The following WDR6 variants were observed in gnomAD, a reference collection of about 807,000 sequenced individuals.
The protein encoded by WDR6 is tRNA (34-2'-O)-methyltransferase regulator WDR6.
WDR6 carries 58 observed loss-of-function variants against 85.6 expected under a neutral mutation model. The observed-to-expected ratio is 0.68, with a 90% CI of 0.55 to 0.84. The LOEUF (loss-of-function observed/expected upper bound fraction) is 0.84. WDR6 is among the 40% of genes least tolerant of loss of function. WDR6 has a pLI of 0.00. For missense variants in WDR6, 1,310 were observed against 1,476.4 expected (o/e 0.89, Z 1.85); for synonymous variants, 569 against 582.2 (o/e 0.98, Z 0.33).
Position 49,012,534 on chromosome 3 carries a change from G to A in WDR6, c.1000G>A (p.Gly334Arg), listed in dbSNP as rs1002508316. 1.2e-6 allele frequency: 2 copies of A among 1,614,078 alleles called. No homozygotes were observed. Among genetic ancestry groups the A allele is most frequent in the East Asian group, 2.2e-5 (1 of 44,864 alleles). The change falls in exon 2 of 6, where the codon GGA becomes AGA. Residue 334 changes from glycine (G) to arginine (R), a missense_variant. Transcript: ENST00000608424. The surrounding 1 kb of genome is among the most constrained non-coding windows in gnomAD (Gnocchi z 4.4). ...GCACTTGGTAGGGCGTGGGTACCGG[G>A]GATTGGGGGTCTCGGCTCTCTGCTT... ...LWHLVGRGYRGLGVSALCFKS... is the reference protein window; with the variant it reads ...LWHLVGRGYRRLGVSALCFKS...
At position 49,012,142 on chromosome 3, in the gene WDR6, G is replaced by T; in HGVS notation, c.608G>T (p.Arg203Leu). Residue 203 changes from arginine (R) to leucine (L), a missense_variant, in exon 2 of 6, where the codon CGA becomes CTA. Transcript: ENST00000608424. This position sits in a 1 kb window ranked among gnomAD's most constrained non-coding sequence, Gnocchi z 4.4. ...GACAACAAACCTGTAGCACCTGACC[G>T]ACGAATCAGTGGGCATGTGGGCATC... is the stretch of plus-strand genomic sequence containing the variant. ...LADNKPVAPDRRISGHVGIIF... is the reference protein window; with the variant it reads ...LADNKPVAPDLRISGHVGIIF... 2 of 1,614,134 alleles carry T rather than the reference G, an allele frequency of 1.2e-6. No individual in the cohort carries two copies. Among genetic ancestry groups the T allele is most frequent in the Non-Finnish European group, 1.7e-6 (2 of 1,180,034 alleles).
Position 49,014,544 on chromosome 3 carries a change from G to C in WDR6, c.2783+45G>C. The C allele has an allele frequency of 6.2e-7, 1 of 1,613,656 alleles. No homozygotes were observed. The highest frequency in any genetic ancestry group is 8.5e-7 in the Non-Finnish European group (1 of 1,179,864). ...GGTCCTGCATGGGCTGGGTTGGGGGGTTCCTGTTGAGCTTCATCTCTGTTA... is the reference window on the plus strand; with the variant it reads ...GGTCCTGCATGGGCTGGGTTGGGGGCTTCCTGTTGAGCTTCATCTCTGTTA... On this transcript the variant is annotated intron_variant, in intron 4 of 5. Coordinates refer to ENST00000608424, the MANE Select transcript of WDR6 (RefSeq NM_018031.6). The surrounding 1 kb of genome is among the most constrained non-coding windows in gnomAD (Gnocchi z 4.9).
intron 1 of WDR6, 66 bp from the exon 2 acceptor site, chr3:49,011,569 A>G (rs1256958910): frequency 5.6e-6 from 9 of 1,611,544 alleles, no homozygotes; most frequent in African/African-American, 1.3e-5. Context: ...CCTGATCCCC[A>G]TCTCTTCCCT....
rs1275353912 is a variant in WDR6, at chr3:49,014,386, C to T, written c.2670C>T (p.Leu890=). The change falls in exon 4 of 6, where the codon CTC becomes CTT. Residue 890 remains leucine, a synonymous_variant. Transcript: ENST00000608424. This position sits in a 1 kb window ranked among gnomAD's most constrained non-coding sequence, Gnocchi z 4.9. ...AAACSDGAVR[L]FLLQDSGRIL... ...TGGGCCACCCCCCGCCCCCCAGGCT[C>T]TTTCTTTTGCAGGATTCTGGGCGGA... The T allele has an allele frequency of 6.2e-7, 1 of 1,614,014 alleles. No individual in the cohort carries two copies. Among genetic ancestry groups the T allele is most frequent in the Non-Finnish European group, 8.5e-7 (1 of 1,180,028 alleles).
Position 49,007,763 on chromosome 3 carries a change from AG to A in WDR6, c.100+233del, listed in dbSNP as rs960885874. 8.5e-7 allele frequency: 1 copy of A among 1,182,340 alleles called. No individual in the cohort carries two copies. The highest frequency in any genetic ancestry group is 1.6e-5 in the African/African-American group (1 of 63,782). The allele number at this position is 1,182,340 out of a possible 1,614,324, so 73.2% of individuals were successfully genotyped here. A position where few individuals can be genotyped will look rare whatever the true frequency, so the allele number is the denominator to read the frequency against. ...GCCGCCGCGGCGCTTCATAAACTTC[AG>A]CCCGCGTGGAAAGGGCGGGTGGAAC... is the stretch of plus-strand genomic sequence containing the variant. On this transcript the variant is annotated intron_variant, in intron 1 of 5. Coordinates refer to ENST00000608424, the MANE Select transcript of WDR6 (RefSeq NM_018031.6). The surrounding 1 kb of genome is among the most constrained non-coding windows in gnomAD (Gnocchi z 5.1).
intron 1 of WDR6, among the ~76,000 whole-genome samples, chr3:49,009,383 ATCCTTGAATCCTAAC>A (rs1244420645): frequency 7.5e-6 from 1 of 133,676 alleles, no homozygotes; most frequent in African/African-American, 2.8e-5. Context: ...ACTGCTGCTT[ATCCTTGAATCCTAAC>A]TCTAAATATT....
intron 1 of WDR6, chr3:49,011,278 CT>C (rs1277882112): frequency 9.2e-6 from 4 of 432,558 alleles, no homozygotes; most frequent in Non-Finnish European, 1.2e-5. Flanking sequence ...GGGTTTTCAC[CT>C]TGTTGGCCAG....
chr3:49,015,867 G>A lies in WDR6; in HGVS notation c.*579G>A, dbSNP rs760755516. 5 of 1,614,088 alleles carry A rather than the reference G, an allele frequency of 3.1e-6. No individual in the cohort carries two copies. The highest frequency in any genetic ancestry group is 3.4e-6 in the Non-Finnish European group (4 of 1,180,036). On this transcript the variant is annotated 3_prime_UTR_variant, in exon 6 of 6. Transcript: ENST00000608424. ...CCATGCTGAGCTGTACCAGGAACTT[G>A]CATATCTAGAGACAGAGACTGAGTC...
chr3:49,013,587 C>G lies in WDR6; in HGVS notation c.2053C>G (p.Leu685Val), dbSNP rs1488076021. Residue 685 changes from leucine (L) to valine (V), a missense_variant, in exon 2 of 6, where the codon CTG becomes GTG. Leu to Val is a conservative substitution (Grantham distance 32, BLOSUM62 1). Coordinates refer to ENST00000608424, the MANE Select transcript of WDR6 (RefSeq NM_018031.6). The surrounding 1 kb of genome is among the most constrained non-coding windows in gnomAD (Gnocchi z 4.6). ...KDGDVMLYRA[L>V]GGCTRPHVIL... ...TGGGGATGTCATGCTGTACAGGGCTCTGGGTGGCTGCACCCGGCCACACGT... is the reference window on the plus strand; with the variant it reads ...TGGGGATGTCATGCTGTACAGGGCTGTGGGTGGCTGCACCCGGCCACACGT... The G allele has an allele frequency of 6.2e-7, 1 of 1,614,120 alleles. No individual in the cohort carries two copies. Among genetic ancestry groups the G allele is most frequent in the Admixed American group, 1.7e-5 (1 of 60,032 alleles).
Position 49,013,076 on chromosome 3 carries a change from T to C in WDR6, c.1542T>C (p.Ser514=). Reference sequence around the variant, plus strand: ...TGGTGTGTGGTGACCGCCGGGGCTCTGTGCTGCTATTCCCCTCCAGACCAG... The same window carrying C: ...TGGTGTGTGGTGACCGCCGGGGCTCCGTGCTGCTATTCCCCTCCAGACCAG... The part of the protein sequence containing the change: ...DFLVCGDRRG[S]VLLFPSRPGL... The change falls in exon 2 of 6, where the codon TCT becomes TCC. Residue 514 remains serine (S), a synonymous_variant. Coordinates refer to ENST00000608424, the MANE Select transcript of WDR6 (RefSeq NM_018031.6). This position sits in a 1 kb window ranked among gnomAD's most constrained non-coding sequence, Gnocchi z 4.6. 2.5e-6 allele frequency: 4 copies of C among 1,611,104 alleles called. No homozygotes were observed. Among genetic ancestry groups the C allele is most frequent in the Non-Finnish European group, 2.5e-6 (3 of 1,178,116 alleles).
At position 49,015,627 on chromosome 3, in the gene WDR6, G is replaced by C. The variant is rs374525061; in HGVS notation, c.*339G>C. 1.3e-5 allele frequency: 21 copies of C among 1,614,020 alleles called. No individual in the cohort carries two copies. The highest frequency in any genetic ancestry group is 4.0e-5 in the African/African-American group (3 of 74,898). The stretch of plus-strand genomic sequence containing the variant: ...GTGGAGGGAGACCCAGCATAGCCAG[G>C]CCAGTATGGAGCACCTCACGCACAG... On this transcript the variant is annotated 3_prime_UTR_variant, in exon 6 of 6. Coordinates refer to ENST00000608424, the MANE Select transcript of WDR6 (RefSeq NM_018031.6).
chr3:49,013,776 G>A lies in WDR6; in HGVS notation c.2242G>A (p.Glu748Lys). Residue 748 changes from glutamate (E) to lysine (K), a missense_variant, in exon 2 of 6, where the codon GAG becomes AAG. By Grantham distance (56) the Glu-to-Lys change is moderately conservative (BLOSUM62 1). Coordinates refer to ENST00000608424, the MANE Select transcript of WDR6 (RefSeq NM_018031.6). This position sits in a 1 kb window ranked among gnomAD's most constrained non-coding sequence, Gnocchi z 4.6. ...DLTDIVITCS[E>K]DTTVCVLALP... Reference sequence around the variant, plus strand: ...GACTGACATTGTGATCACATGTAGTGAGGACACTACTGTCTGTGTCCTAGC... The same window carrying A: ...GACTGACATTGTGATCACATGTAGTAAGGACACTACTGTCTGTGTCCTAGC... 1.2e-6 allele frequency: 2 copies of A among 1,614,116 alleles called. No individual in the cohort carries two copies. Among genetic ancestry groups the A allele is most frequent in the Non-Finnish European group, 1.7e-6 (2 of 1,179,994 alleles).
rs999032203 is a variant in WDR6, at chr3:49,011,785, T to C, written c.251T>C (p.Val84Ala). Residue 84 changes from valine (V) to alanine (A), a missense_variant, in exon 2 of 6, where the codon GTG becomes GCG. By Grantham distance (64) the Val-to-Ala change is moderately conservative. Transcript: ENST00000608424. ...PNGDLDLEAM[V>A]AVFGSKGLRV... ...GGAGACCTTGACTTGGAGGCCATGG[T>C]GGCTGTGTTTGGAAGCAAGGGACTC... is the stretch of plus-strand genomic sequence containing the variant. The C allele has an allele frequency of 1.9e-6, 3 of 1,614,104 alleles. No homozygotes were observed. The highest frequency in any genetic ancestry group is 2.5e-6 in the Non-Finnish European group (3 of 1,180,054).
chr3:49,007,510 G>C lies in WDR6; in HGVS notation c.79G>C (p.Val27Leu). The C allele has an allele frequency of 6.3e-7, 1 of 1,598,710 alleles. No individual in the cohort carries two copies. The highest frequency in any genetic ancestry group is 8.6e-7 in the Non-Finnish European group (1 of 1,167,946). Residue 27 changes from valine (V) to leucine (L), a missense_variant, in exon 1 of 6, where the codon GTG becomes CTG. Transcript: ENST00000608424. The surrounding 1 kb of genome is among the most constrained non-coding windows in gnomAD (Gnocchi z 5.1). ...ILLPVTGLEC[V>L]GDRLLAGEGP... is the part of the protein sequence containing the mutation. ...CCTCCCAGTGACGGGTCTGGAGTGCGTGGGGGACCGGCTGTTGGCGGGTGA... is the reference window on the plus strand; with the variant it reads ...CCTCCCAGTGACGGGTCTGGAGTGCCTGGGGGACCGGCTGTTGGCGGGTGA...
Position 49,014,262 on chromosome 3 carries a change from G to C in WDR6, c.2635G>C (p.Val879Leu). Residue 879 changes from valine (V) to leucine (L), a missense_variant, in exon 3 of 6, where the codon GTG (valine) becomes CTG (leucine). Coordinates refer to ENST00000608424, the MANE Select transcript of WDR6 (RefSeq NM_018031.6). The surrounding 1 kb of genome is among the most constrained non-coding windows in gnomAD (Gnocchi z 4.9). ...TGACCAGCCCGGCCTTGGCCCCCTT[G>C]TGGCTGCAGCCTGTAGTGATGGGGC... is the stretch of plus-strand genomic sequence containing the variant. ...ELDQPGLGPL[V>L]AAACSDGAVR... is the part of the protein sequence containing the mutation. 1.2e-6 allele frequency: 2 copies of C among 1,614,154 alleles called. No individual in the cohort carries two copies. The highest frequency in any genetic ancestry group is 8.5e-7 in the Non-Finnish European group (1 of 1,180,028).
In WDR6 at chr3:49,013,985, G is replaced by A; in HGVS notation, c.2451G>A (p.Met817Ile). 6.2e-7 allele frequency: 1 copy of A among 1,611,716 alleles called. No homozygotes were observed. Among genetic ancestry groups the A allele is most frequent in the Non-Finnish European group, 8.5e-7 (1 of 1,179,974 alleles). The change falls in exon 2 of 6, where the codon ATG becomes ATA. Residue 817 changes from methionine to isoleucine, a missense_variant. Met to Ile is a conservative substitution (Grantham distance 10). Coordinates refer to ENST00000608424, the MANE Select transcript of WDR6 (RefSeq NM_018031.6). This position sits in a 1 kb window ranked among gnomAD's most constrained non-coding sequence, Gnocchi z 4.6. The part of the protein sequence containing the change: ...GRAEMHCFSI[M>I]VTPDPSTPSR... The stretch of plus-strand genomic sequence containing the variant: ...CTGAGATGCACTGCTTCAGCATCAT[G>A]GTTACTCCGGACCCCAGCACCCCAA...
chr3:49,010,927 G>A (rs1190908418), intron 1 of WDR6, among the ~76,000 whole-genome samples: 2 of 150,744 alleles, frequency 1.3e-5, no homozygotes, highest in Non-Finnish European at 3.0e-5. Flanking sequence ...TGAGGCAGGA[G>A]AGTTGCTTGA....
chr3:49,015,474 T>C lies in WDR6; in HGVS notation c.*186T>C. On this transcript the variant is annotated 3_prime_UTR_variant, in exon 6 of 6. Coordinates refer to ENST00000608424, the MANE Select transcript of WDR6 (RefSeq NM_018031.6). The stretch of plus-strand genomic sequence containing the variant: ...TGCCAAGAATATGCCCGACTCCCCA[T>C]GACAAGACAGAACTTTGTAACAAAC... The C allele has an allele frequency of 6.5e-7, 1 of 1,530,564 alleles. No individual in the cohort carries two copies. Among genetic ancestry groups the C allele is most frequent in the Non-Finnish European group, 8.9e-7 (1 of 1,119,774 alleles). 94.8% of individuals were successfully genotyped at this position (1,530,564 alleles called of 1,614,324 possible).
chr3:49,009,301 A>C (rs1452975598), intron 1 of WDR6, among the ~76,000 whole-genome samples: 319 of 54,766 alleles, frequency 5.8e-3, no homozygotes, highest in African/African-American at 7.5e-3. Flanking sequence ...AAACCCTCCC[A>C]TTGCTCCCCA....
Sources: allele counts gnomAD v4.1 joint callset (sites outside exome capture counted in the v4.1 genomes callset), GRCh38; gene constraint gnomAD v4.1.1; non-coding constraint Gnocchi (gnomAD v3.1); transcripts MANE v1.5; gene names NCBI Gene and HGNC (gene_info 2026-07-23, HGNC 2026-07-21).